The following CRISPLD1 variants were observed in gnomAD, a reference collection of about 807,000 sequenced individuals.
The protein encoded by CRISPLD1 is cysteine rich secretory protein LCCL domain containing 1, also known as cysteine-rich secretory protein LCCL domain-containing 1.
A neutral mutation model predicts 77.5 loss-of-function variants in CRISPLD1; 60 were observed. The ratio of observed to expected loss-of-function variants is 0.77; its 90% confidence interval spans 0.63 to 0.96. The LOEUF (loss-of-function observed/expected upper bound fraction) is 0.96, where lower values mean the gene tolerates loss of function less well. Among genes scored for constraint, CRISPLD1 ranks in the 40% least tolerant of loss-of-function variants. The probability of loss-of-function intolerance (pLI) is 0.00; values close to 1 mark genes in which losing one functional copy is unlikely to be tolerated. For missense variants in CRISPLD1, 623 were observed against 615.8 expected (o/e 1.01, Z -0.12); for synonymous variants, 195 against 200.1 (o/e 0.97, Z 0.22).
At chr8:75,026,569 TG>T (rs1435425654) in intron 13 of CRISPLD1, 1 of 152,212 alleles carries the variant, frequency 6.6e-6, no homozygotes, top group Non-Finnish European at 1.5e-5. Context: ...CACATCAGTG[TG>T]TAGACAAAGT....
In CRISPLD1 at chr8:75,014,912, G is replaced by A; in HGVS notation, c.727G>A (p.Glu243Lys). Residue 243 changes from glutamate to lysine, a missense_variant and splice_region_variant, in exon 6 of 15, where the codon GAA becomes AAA. By Grantham distance (56) the Glu-to-Lys change is moderately conservative (BLOSUM62 1). Coordinates refer to ENST00000262207, the MANE Select transcript of CRISPLD1 (RefSeq NM_031461.6). ...GGCRENLCYK[E>K]GSDRYYPPRE... ...CTGTAGAGAAAATCTGTGCTACAAA[G>A]GTAAGTGCTATTGTGTTGTGGTATT... 1.3e-6 allele frequency: 2 copies of A among 1,558,526 alleles called. No homozygotes were observed. The highest frequency in any genetic ancestry group is 2.4e-5 in the South Asian group (2 of 83,672).
At chr8:75,017,492 T>C in intron 10 of CRISPLD1, 42 bp downstream of exon 10, 1 of 1,527,570 alleles carries the variant, frequency 6.5e-7, no homozygotes, top group Non-Finnish European at 8.8e-7. Flanking sequence ...AATTTTAAAT[T>C]GTAACAGTGA....
rs771051583 is a variant in CRISPLD1, at chr8:75,013,030, TG to T, written c.510+14del. The T allele has an allele frequency of 2.7e-5, 43 of 1,563,870 alleles. No homozygotes were observed. Among genetic ancestry groups the T allele is most frequent in the African/African-American group, 5.4e-5 (4 of 74,034 alleles). ...TGTACACATTATACACAGGTATGTT[TG>T]GGGGGTATTATACTTAATTCCCCCA... is the stretch of plus-strand genomic sequence containing the variant. On this transcript the variant is annotated intron_variant, in intron 4 of 14. Transcript: ENST00000262207.
intron 9 of CRISPLD1, 42 bp from the exon 10 acceptor site, chr8:75,017,278 C>T (rs368207321): frequency 6.2e-7 from 1 of 1,600,698 alleles, no homozygotes. Context: ...ATGCAGAACT[C>T]TAATATTTTT....
chr8:74,995,453 C>T (rs75563362), intron 2 of CRISPLD1, among the ~76,000 whole-genome samples: 3,180 of 152,284 alleles, frequency 0.021, 56 homozygotes, highest in Non-Finnish European at 0.029. Context: ...ATCAAACATG[C>T]AACATCTCCT....
Position 75,032,210 on chromosome 8 carries a change from G to A in CRISPLD1, c.1471G>A (p.Gly491Arg). 2 of 1,607,902 alleles carry A rather than the reference G, an allele frequency of 1.2e-6. No individual in the cohort carries two copies. The highest frequency in any genetic ancestry group is 1.7e-6 in the Non-Finnish European group (2 of 1,176,302). The change falls in exon 15 of 15, where the codon GGA becomes AGA. Residue 491 changes from glycine to arginine, a missense_variant. Coordinates refer to ENST00000262207, the MANE Select transcript of CRISPLD1 (RefSeq NM_031461.6). Reference sequence around the variant, plus strand: ...TTGCAGTTTACAGAATCCTCCAGGAGGAAAGGCATTCAGAGTGTTTGCTGT... The same window carrying A: ...TTGCAGTTTACAGAATCCTCCAGGAAGAAAGGCATTCAGAGTGTTTGCTGT... ...FSESLQNPPG[G>R]KAFRVFAVV
At chr8:75,008,373 A>G (rs1812871125) in intron 2 of CRISPLD1, among the ~76,000 whole-genome samples, 1 of 152,166 alleles carries the variant, frequency 6.6e-6, no homozygotes, top group South Asian at 2.1e-4. Flanking sequence ...CCTGATTTTA[A>G]ATAGAAATGT....
chr8:74,987,752 T>G lies in CRISPLD1; in HGVS notation c.258+1507T>G, dbSNP rs142284308. Among the ~76,000 whole-genome samples the G allele has an allele frequency of 2.7e-3, 405 of 152,316 alleles. 1 individual carries two copies. The highest frequency in any genetic ancestry group is 0.01 in the Middle Eastern group (3 of 294). ...TCCAACTAGGCTACTGTATGCTTAT[T>G]CCATGTGAATAGGTATTCAGTTGCT... On this transcript the variant is annotated intron_variant, in intron 2 of 14. Coordinates refer to ENST00000262207, the MANE Select transcript of CRISPLD1 (RefSeq NM_031461.6).
intron 2 of CRISPLD1, among the ~76,000 whole-genome samples, chr8:74,998,690 A>C (rs1351905674): frequency 2.1e-5 from 3 of 145,786 alleles, no homozygotes; most frequent in African/African-American, 7.5e-5. Context: ...CATCTCAAAA[A>C]AAAAAAAAAA....
At chr8:75,022,094 T>C (rs1813145595) in intron 12 of CRISPLD1, among the ~76,000 whole-genome samples, 1 of 152,182 alleles carries the variant, frequency 6.6e-6, no homozygotes, top group Non-Finnish European at 1.5e-5. Context: ...TCTTGGCTTG[T>C]TTCAGAAAGC....
intron 3 of CRISPLD1, 24 bp from the exon 4 acceptor site, chr8:75,012,866 C>G: frequency 6.3e-7 from 1 of 1,593,634 alleles, no homozygotes; most frequent in African/African-American, 1.3e-5. Context: ...TGCTTGCCCT[C>G]TGTGACTATT....
At chr8:75,000,788 C>T (rs1812726511) in intron 2 of CRISPLD1, among the ~76,000 whole-genome samples, 1 of 151,882 alleles carries the variant, frequency 6.6e-6, no homozygotes, top group African/African-American at 2.4e-5. Flanking sequence ...TTGCATTCCC[C>T]AGTTGTGTGG....
At chr8:75,017,683 A>G (rs1257563429) in intron 10 of CRISPLD1, among the ~76,000 whole-genome samples, 1 of 152,202 alleles carries the variant, frequency 6.6e-6, no homozygotes, top group African/African-American at 2.4e-5. Flanking sequence ...TTTGAGTTTC[A>G]TTAAAAATGT....
rs528032863 is a variant in CRISPLD1 at position 75,016,668 on chromosome 8, T to C, written c.831T>C (p.Asp277=). 2.5e-6 allele frequency: 4 copies of C among 1,613,190 alleles called. No homozygotes were observed. Among genetic ancestry groups the C allele is most frequent in the African/African-American group, 1.3e-5 (1 of 74,994 alleles). Residue 277 remains aspartate, a synonymous_variant, in exon 7 of 15, where the codon GAT becomes GAC. Coordinates refer to ENST00000262207, the MANE Select transcript of CRISPLD1 (RefSeq NM_031461.6). ...HDTHVRTRSD[D]SSRNEVISAQ... ...CCCATGTCCGGACAAGATCAGATGA[T>C]AGTAGCAGAAATGAAGTCATAAGCG... is the stretch of plus-strand genomic sequence containing the variant.
At chr8:75,006,766 T>G (rs1026593319) in intron 2 of CRISPLD1, among the ~76,000 whole-genome samples, 3 of 152,106 alleles carry the variant, frequency 2.0e-5, no homozygotes, top group Non-Finnish European at 2.9e-5. Context: ...GTCATCCTGG[T>G]CTCTGTGGTA....
rs1203580527 is a variant in CRISPLD1 at position 74,985,950 on chromosome 8, T to C, written c.-38T>C. ...GCCAAAAGGAGTGGAAGAGCCTGTC[T>C]TGGAGATTTTCCTGGGGAAATCCTG... On this transcript the variant is annotated 5_prime_UTR_variant, in exon 2 of 15. Transcript: ENST00000262207. 2.5e-6 allele frequency: 4 copies of C among 1,589,284 alleles called. No individual in the cohort carries two copies. In the African/African-American group the frequency reaches 5.4e-5, roughly 21 times the overall value.
At chr8:74,985,317 T>A (rs1263966377) in intron 1 of CRISPLD1, among the ~76,000 whole-genome samples, 1 of 152,110 alleles carries the variant, frequency 6.6e-6, no homozygotes, top group Non-Finnish European at 1.5e-5. Context: ...AGGAAGAGAC[T>A]TACCCCAGGA....
In CRISPLD1 at chr8:75,002,372, T is replaced by C. The variant is rs1410335370; in HGVS notation, c.259-10061T>C. On this transcript the variant is annotated intron_variant, in intron 2 of 14. Coordinates refer to ENST00000262207, the MANE Select transcript of CRISPLD1 (RefSeq NM_031461.6). The stretch of plus-strand genomic sequence containing the variant: ...AGAGAAAATTCATTAAGATCTAGTA[T>C]GTGTCAGGTAACAGGTTGTTAGGCA... Among the ~76,000 whole-genome samples the C allele has an allele frequency of 5.4e-5, 8 of 148,318 alleles. No homozygotes were observed. In the East Asian group the frequency reaches 7.8e-4, roughly 14 times the overall value.
chr8:75,017,189 A>G (rs1278313727), intron 9 of CRISPLD1, 76 bp downstream of exon 9: 2 of 1,506,122 alleles, frequency 1.3e-6, no homozygotes, highest in Admixed American at 1.8e-5. Flanking sequence ...GCAAAATAAC[A>G]CCTTACATAA....
Sources: allele counts gnomAD v4.1 joint callset (sites outside exome capture counted in the v4.1 genomes callset), GRCh38; gene constraint gnomAD v4.1.1; transcripts MANE v1.5; gene names NCBI Gene and HGNC (gene_info 2026-07-23, HGNC 2026-07-21).